KLHL14: variants seen among roughly 807,000 people sequenced by gnomAD.
The protein encoded by KLHL14 is kelch like family member 14.
A neutral mutation model predicts 64.3 loss-of-function variants in KLHL14; 22 were observed. The ratio of observed to expected loss-of-function variants is 0.34; its 90% CI spans 0.24 to 0.49. KLHL14 has a LOEUF of 0.49. Ranked by LOEUF, KLHL14 falls within the 20% of genes least tolerant of loss-of-function variation. The pLI, the probability that KLHL14 is intolerant of heterozygous loss-of-function variation, is 0.99. For synonymous variants in KLHL14, 322 were observed against 333.4 expected (o/e 0.97, Z 0.37); for missense variants, 661 against 789.0 (o/e 0.84, Z 1.94).
chr18:32,719,668 C>T (rs1391154457), intron 3 of KLHL14, among the ~76,000 whole-genome samples: 1 of 152,216 alleles, frequency 6.6e-6, no homozygotes, highest in Non-Finnish European at 1.5e-5. Flanking sequence ...GTGCTTGACA[C>T]AGTGGCTAAA....
Position 32,769,884 on chromosome 18 carries a change from C to T in KLHL14, c.708G>A (p.Leu236=), listed in dbSNP as rs557875889. ...DSLPPPVESE[L]ALFQMSVLWL... ...ACAGCACGGACATCTGGAAGAGCGC[C>T]AGCTCCGACTCCACGGGGGGCGGCA... is the stretch of plus-strand genomic sequence containing the variant. The change falls in exon 2 of 9, where the codon CTG becomes CTA. Residue 236 remains leucine, a synonymous_variant. Coordinates refer to ENST00000359358, the MANE Select transcript of KLHL14 (RefSeq NM_020805.3). The T allele has an allele frequency of 7.9e-5, 127 of 1,614,060 alleles. 2 individuals are homozygous for T. In the South Asian group the frequency reaches 1.3e-3, roughly 17 times the overall value.
At chr18:32,713,611 T>G (rs2050031075) in intron 3 of KLHL14, among the ~76,000 whole-genome samples, 1 of 152,100 alleles carries the variant, frequency 6.6e-6, no homozygotes, top group African/African-American at 2.4e-5. Flanking sequence ...ATAACAACCT[T>G]TAGACATTTT....
At chr18:32,736,191 CA>C (rs1220901219) in intron 3 of KLHL14, among the ~76,000 whole-genome samples, 2 of 152,232 alleles carry the variant, frequency 1.3e-5, no homozygotes, top group Non-Finnish European at 2.9e-5. Context: ...TCTAGGTACC[CA>C]GCTTCCTTGA....
chr18:32,706,690 T>C (rs2049992367), intron 3 of KLHL14, among the ~76,000 whole-genome samples: 1 of 152,204 alleles, frequency 6.6e-6, no homozygotes, highest in Non-Finnish European at 1.5e-5. Context: ...AGTCTATATA[T>C]ACAAAGATGT....
At chr18:32,769,567 C>T in intron 2 of KLHL14, 78 bp downstream of exon 2, 1 of 751,452 alleles carries the variant, frequency 1.3e-6, no homozygotes, top group Non-Finnish European at 1.9e-6. Context: ...CTCTTCCCTC[C>T]TCCCTGCCCC....
At chr18:32,724,462 C>T (rs944727932) in intron 3 of KLHL14, among the ~76,000 whole-genome samples, 2 of 152,116 alleles carry the variant, frequency 1.3e-5, no homozygotes, top group Non-Finnish European at 2.9e-5. Context: ...AAAATCATAG[C>T]AACCAGATAG....
rs1405824331 is a variant in KLHL14 at position 32,683,851 on chromosome 18, T to G, written c.1239-3252A>C. On this transcript the variant is annotated intron_variant, in intron 5 of 8. Transcript: ENST00000359358. This position sits in a 1 kb window ranked among gnomAD's most constrained non-coding sequence, Gnocchi z 4.2. ...TGAATTTTTGACTTTTGTCGTTGGA[T>G]TAAAAACAATGGATATGTTAGAAAG... 6.6e-6 allele frequency among the ~76,000 whole-genome samples: 1 copy of G among 152,204 alleles called. No individual in the cohort carries two copies. The highest frequency in any genetic ancestry group is 2.4e-5 in the African/African-American group (1 of 41,446).
chr18:32,727,034 T>G (rs1598565799), intron 3 of KLHL14, among the ~76,000 whole-genome samples: 1 of 152,212 alleles, frequency 6.6e-6, no homozygotes, highest in Non-Finnish European at 1.5e-5. Flanking sequence ...TTTCCCTATA[T>G]GGGAAGGCAG....
intron 5 of KLHL14, among the ~76,000 whole-genome samples, chr18:32,686,186 T>C (rs1004600783): frequency 7.3e-6 from 1 of 136,488 alleles, no homozygotes. Flanking sequence ...TATTTTTTTT[T>C]TTTTTTTTTT....
At chr18:32,692,799 A>G (rs542036547) in intron 4 of KLHL14, among the ~76,000 whole-genome samples, 7 of 152,224 alleles carry the variant, frequency 4.6e-5, no homozygotes, top group Non-Finnish European at 1.0e-4. Flanking sequence ...TTTTCTGGCA[A>G]GTCATTTAAC....
chr18:32,756,248 CA>C (rs1233946361), intron 2 of KLHL14, among the ~76,000 whole-genome samples: 3 of 152,190 alleles, frequency 2.0e-5, no homozygotes, highest in Non-Finnish European at 4.4e-5. Context: ...GCCATGTGGG[CA>C]TACAGCAGGA....
In KLHL14 at chr18:32,679,487, A is replaced by G. The variant is rs982852751; in HGVS notation, c.1588+682T>C. Among the ~76,000 whole-genome samples, 10 of 152,108 alleles carry G rather than the reference A, an allele frequency of 6.6e-5. 1 individual carries two copies. Among genetic ancestry groups the G allele is most frequent in the Admixed American group, 6.6e-4 (10 of 15,258 alleles). On this transcript the variant is annotated intron_variant, in intron 7 of 8. Coordinates refer to ENST00000359358, the MANE Select transcript of KLHL14 (RefSeq NM_020805.3). ...AAAGCAGTTCAATAATGTTCTCGAT[A>G]TCATAGGTCTCTCTGGTATCACATT...
chr18:32,769,008 G>C (rs2050361951), intron 2 of KLHL14, among the ~76,000 whole-genome samples: 1 of 152,214 alleles, frequency 6.6e-6, no homozygotes, highest in South Asian at 2.1e-4. Flanking sequence ...AAAAGGAAAG[G>C]CTTTCCACAA....
chr18:32,747,141 T>C (rs1030287517), intron 2 of KLHL14, among the ~76,000 whole-genome samples: 15 of 152,238 alleles, frequency 9.9e-5, no homozygotes, highest in Non-Finnish European at 1.8e-4. Flanking sequence ...GTGTTAGATA[T>C]ATTTTTTCCT....
At chr18:32,742,181 C>T in intron 2 of KLHL14, 132 bp from the exon 3 acceptor site, 1 of 1,040,014 alleles carries the variant, frequency 9.6e-7, no homozygotes, top group Non-Finnish European at 1.4e-6. Context: ...GTTTCTTCCC[C>T]CATTCATGTC....
chr18:32,730,616 A>G (rs541720933), intron 3 of KLHL14, among the ~76,000 whole-genome samples: 1 of 152,358 alleles, frequency 6.6e-6, no homozygotes, highest in South Asian at 2.1e-4. Context: ...AGATTTTAGC[A>G]AAAACAAGTG....
rs1031487333 is a variant in KLHL14 at position 32,688,771 on chromosome 18, C to G, written c.1160-1538G>C. Reference sequence around the variant, plus strand: ...TAGCAAGTCACTGGAGAGTTTTGAGCAAGTGAAAAACAGTCCAATCTATCA... The same window carrying G: ...TAGCAAGTCACTGGAGAGTTTTGAGGAAGTGAAAAACAGTCCAATCTATCA... On this transcript the variant is annotated intron_variant, in intron 4 of 8. Coordinates refer to ENST00000359358, the MANE Select transcript of KLHL14 (RefSeq NM_020805.3). Among the ~76,000 whole-genome samples the G allele has an allele frequency of 7.2e-5, 11 of 152,030 alleles. No individual in the cohort carries two copies. The East Asian group carries it at 9.7e-4, about 13-fold the overall frequency.
chr18:32,706,548 G>A (rs889762282), intron 3 of KLHL14, among the ~76,000 whole-genome samples: 5 of 152,130 alleles, frequency 3.3e-5, no homozygotes, highest in African/African-American at 1.2e-4. Context: ...CTTCTCCAGT[G>A]TTAGAATATA....
At chr18:32,750,026 AG>A (rs898740467) in intron 2 of KLHL14, among the ~76,000 whole-genome samples, 32 of 151,780 alleles carry the variant, frequency 2.1e-4, no homozygotes, top group African/African-American at 7.2e-4. Context: ...TCATATGGTG[AG>A]GGGGGCAATG....
Sources: gnomAD v4.1 joint callset for allele counts (sites outside exome capture counted in the v4.1 genomes callset) on GRCh38, gnomAD v4.1.1 for gene constraint, Gnocchi (gnomAD v3.1) non-coding constraint, MANE v1.5 for transcripts, NCBI Gene and HGNC (gene_info 2026-07-23, HGNC 2026-07-21) for gene names.